The following SPI1 variants were observed in gnomAD, a reference collection of about 807,000 sequenced individuals.
SPI1 encodes the protein transcription factor PU.1.
SPI1 carries 3 observed loss-of-function variants against 30.7 expected under a neutral mutation model. The ratio of observed to expected loss-of-function variants is 0.10; its 90% CI spans 0.04 to 0.25. The LOEUF (loss-of-function observed/expected upper bound fraction) is 0.25. SPI1 is among the 10% of genes least tolerant of loss of function. The pLI, the probability that SPI1 is intolerant of heterozygous loss-of-function variation, is 1.00. For missense variants in SPI1, 261 were observed against 371.5 expected (o/e 0.70, Z 2.45); for synonymous variants, 169 against 157.1 (o/e 1.08, Z -0.56).
chr11:47,359,014 G>T lies in SPI1; in HGVS notation c.331-8C>A. 2 of 1,521,350 alleles carry T rather than the reference G, an allele frequency of 1.3e-6. No individual in the cohort carries two copies. Among genetic ancestry groups the T allele is most frequent in the South Asian group, 2.7e-5 (2 of 75,462 alleles). The allele number at this position is 1,521,350 out of a possible 1,614,324, so 94.2% of individuals were successfully genotyped here. The stretch of plus-strand genomic sequence containing the variant: ...CCGGGGCAGGTAGGAGACCTGGACG[G>T]TGGGGGAAGGAGATCAGAGTCAGGA... On this transcript the variant is annotated splice_region_variant and splice_polypyrimidine_tract_variant and intron_variant, in intron 3 of 4. Transcript: ENST00000378538. The surrounding 1 kb of genome is among the most constrained non-coding windows in gnomAD (Gnocchi z 5.1).
Position 47,359,798 on chromosome 11 carries a change from G to T in SPI1, c.330+55C>A. 3 of 1,570,582 alleles carry T rather than the reference G, an allele frequency of 1.9e-6. No homozygotes were observed. Among genetic ancestry groups the T allele is most frequent in the Non-Finnish European group, 2.6e-6 (3 of 1,156,572 alleles). ...TGTCAGCTTCCTGTGAAGCTCCCGGGCCCCACCACAGGCCTGGCAGTCTCC... is the reference window on the plus strand; with the variant it reads ...TGTCAGCTTCCTGTGAAGCTCCCGGTCCCCACCACAGGCCTGGCAGTCTCC... On this transcript the variant is annotated intron_variant, in intron 3 of 4. Coordinates refer to ENST00000378538, the MANE Select transcript of SPI1 (RefSeq NM_003120.3). The surrounding 1 kb of genome is among the most constrained non-coding windows in gnomAD (Gnocchi z 5.1).
chr11:47,358,408 A>C, intron 4 of SPI1: 1 of 627,542 alleles, frequency 1.6e-6, no homozygotes, highest in Non-Finnish European at 2.9e-6. Flanking sequence ...ACAGCTGCTC[A>C]CACGCACTGA....
At chr11:47,358,557 C>G in intron 4 of SPI1, 1 of 698,312 alleles carries the variant, frequency 1.4e-6, no homozygotes, top group Admixed American at 2.0e-5. Flanking sequence ...TGCACACGCA[C>G]CCTCTGCACA....
intron 4 of SPI1, among the ~76,000 whole-genome samples, chr11:47,356,660 A>G (rs1041703809): frequency 2.0e-5 from 3 of 151,062 alleles, no homozygotes; most frequent in Non-Finnish European, 4.4e-5. Flanking sequence ...CACATCTTAC[A>G]CTGCTCACCC....
At chr11:47,355,654 A>C (rs2095907043) in intron 4 of SPI1, 108 bp from the exon 5 acceptor site, 2 of 969,316 alleles carry the variant, frequency 2.1e-6, no homozygotes, top group Non-Finnish European at 3.0e-6. Context: ...CGGGAAGGGC[A>C]GGGGAACGGC....
At chr11:47,361,946 A>G (rs975217361) in intron 2 of SPI1, among the ~76,000 whole-genome samples, 2 of 152,152 alleles carry the variant, frequency 1.3e-5, no homozygotes, top group African/African-American at 4.8e-5. Context: ...GTCTACATGT[A>G]TAATTATTTG....
chr11:47,375,654 T>A lies in SPI1; in HGVS notation c.121A>T (p.Ser41Cys). 1 of 1,613,796 alleles carries A rather than the reference T, an allele frequency of 6.2e-7. No homozygotes were observed. The highest frequency in any genetic ancestry group is 1.1e-5 in the South Asian group (1 of 91,082). Residue 41 changes from serine (S) to cysteine (C), a missense_variant, in exon 2 of 5, where the codon AGT becomes TGT. Around this residue, in one of 5 missense-constraint regions of SPI1, gnomAD observed 78 missense variants for 93.2 expected, o/e 0.84. Coordinates refer to ENST00000378538, the MANE Select transcript of SPI1 (RefSeq NM_003120.3). This position sits in a 1 kb window ranked among gnomAD's most constrained non-coding sequence, Gnocchi z 4.2. ...QTHEYYPYLSSDGESHSDHYW... is the reference protein window; with the variant it reads ...QTHEYYPYLSCDGESHSDHYW... The stretch of plus-strand genomic sequence containing the variant: ...TCACCGCTATGGCTCTCCCCATCAC[T>A]GCTGAGATAGGGGTAATACTCGTGC...
intron 1 of SPI1, 70 bp downstream of exon 1, chr11:47,378,239 G>T (rs1268549842): frequency 8.5e-6 from 13 of 1,522,512 alleles, no homozygotes; most frequent in Non-Finnish European, 1.1e-5. Flanking sequence ...GTGGGCTGGC[G>T]GGTTCGTGGG....
intron 1 of SPI1, among the ~76,000 whole-genome samples, 154 bp downstream of exon 1, chr11:47,378,155 C>T (rs752804867): frequency 6.6e-5 from 10 of 152,266 alleles, no homozygotes; most frequent in Non-Finnish European, 1.2e-4. Context: ...ATGGCCCCCT[C>T]GCTGGGTCTC....
chr11:47,362,822 C>T (rs563823700), intron 2 of SPI1, among the ~76,000 whole-genome samples: 3 of 151,854 alleles, frequency 2.0e-5, no homozygotes, highest in Non-Finnish European at 4.4e-5. Flanking sequence ...GATCTGCCCA[C>T]CTCAGCCTCC....
intron 4 of SPI1, among the ~76,000 whole-genome samples, chr11:47,357,570 C>T (rs2095913389): frequency 7.3e-6 from 1 of 136,518 alleles, no homozygotes; most frequent in African/African-American, 2.6e-5. Context: ...ACATCACACC[C>T]ATTCTCTTGT....
chr11:47,361,912 G>T (rs1595858570), intron 2 of SPI1, among the ~76,000 whole-genome samples: 1 of 15,484 alleles, frequency 6.5e-5, no homozygotes, highest in East Asian at 1.7e-3. Flanking sequence ...AATGCTTTTA[G>T]ACCTGGGTAG....
At chr11:47,376,364 C>G (rs1467325691) in intron 1 of SPI1, among the ~76,000 whole-genome samples, 1 of 152,108 alleles carries the variant, frequency 6.6e-6, no homozygotes, top group Middle Eastern at 3.2e-3. Context: ...CACACACTTG[C>G]CTGCCCAGCC....
At chr11:47,362,809 C>G (rs1004480035) in intron 2 of SPI1, among the ~76,000 whole-genome samples, 1 of 151,734 alleles carries the variant, frequency 6.6e-6, no homozygotes, top group African/African-American at 2.4e-5. Flanking sequence ...CTCCTGACCT[C>G]GTGATCTGCC....
intron 2 of SPI1, among the ~76,000 whole-genome samples, chr11:47,367,506 G>A (rs1338311194): frequency 2.1e-5 from 3 of 142,904 alleles, no homozygotes; most frequent in Non-Finnish European, 4.5e-5. Context: ...GTGAGCCAAG[G>A]TCACACCACT....
chr11:47,372,093 C>T (rs1470124854), intron 2 of SPI1, among the ~76,000 whole-genome samples: 1 of 151,540 alleles, frequency 6.6e-6, no homozygotes, highest in African/African-American at 2.4e-5. Flanking sequence ...AAAATGGTCT[C>T]TTTGTCTGAT....
chr11:47,378,501 G>A lies in SPI1; in HGVS notation c.-148C>T. On this transcript the variant is annotated 5_prime_UTR_variant, in exon 1 of 5. Transcript: ENST00000378538. ...CCCCTGAGCTACAGGAGCCCTGGGT[G>A]AGCCCCCTCCCTTGACATTGCAGGG... 1.3e-6 allele frequency: 1 copy of A among 764,198 alleles called. No homozygotes were observed. Among genetic ancestry groups the A allele is most frequent in the Non-Finnish European group, 2.1e-6 (1 of 467,594 alleles). 47.3% of individuals were successfully genotyped at this position (764,198 alleles called of 1,614,324 possible). A position where few individuals can be genotyped will look rare whatever the true frequency, so the allele number is the denominator to read the frequency against.
chr11:47,361,598 G>A (rs970652698), intron 2 of SPI1, among the ~76,000 whole-genome samples: 4 of 152,144 alleles, frequency 2.6e-5, no homozygotes, highest in African/African-American at 4.8e-5. Flanking sequence ...TGACAAGATC[G>A]GCTGTCTCAT....
In SPI1 at chr11:47,359,837, A is replaced by G; in HGVS notation, c.330+16T>C. The G allele has an allele frequency of 6.2e-7, 1 of 1,601,420 alleles. No individual in the cohort carries two copies. The highest frequency in any genetic ancestry group is 1.7e-4 in the Middle Eastern group (1 of 6,026). ...CTGGCAGTCTCCTGGGGGACGGGGC[A>G]GGCGGTGGCATGCACCTGGTGGCCA... On this transcript the variant is annotated intron_variant, in intron 3 of 4. Coordinates refer to ENST00000378538, the MANE Select transcript of SPI1 (RefSeq NM_003120.3). This position sits in a 1 kb window ranked among gnomAD's most constrained non-coding sequence, Gnocchi z 5.1.
Sources: gnomAD v4.1 joint callset for allele counts (sites outside exome capture counted in the v4.1 genomes callset) on GRCh38, gnomAD v4.1.1 for gene constraint, gnomAD v4.1.1 regional missense constraint, Gnocchi (gnomAD v3.1) non-coding constraint, MANE v1.5 for transcripts, NCBI Gene and HGNC (gene_info 2026-07-23, HGNC 2026-07-21) for gene names.